Variants in DOCK7 observed in about 807,000 individuals in gnomAD.
The protein encoded by DOCK7 is dedicator of cytokinesis protein 7.
A neutral mutation model predicts 271.0 loss-of-function variants in DOCK7; 138 were observed. The ratio of observed to expected loss-of-function variants is 0.51; its 90% CI spans 0.44 to 0.59. DOCK7 has a LOEUF of 0.59. Among genes scored for constraint, DOCK7 ranks in the 20% least tolerant of loss-of-function variants. The probability of loss-of-function intolerance (pLI) is 0.00; values close to 1 mark genes in which losing one functional copy is unlikely to be tolerated. For synonymous variants in DOCK7, 823 were observed against 876.1 expected, an observed-to-expected ratio of 0.94 and a Z score of 1.07; for missense variants, 2,066 against 2,592.4, an observed-to-expected ratio of 0.80 and a Z score of 4.41.
At chr1:62,576,717 AT>A (rs1308762196) in intron 18 of DOCK7, among the ~76,000 whole-genome samples, 2 of 152,158 alleles carry the variant, frequency 1.3e-5, no homozygotes, top group Non-Finnish European at 2.9e-5. Context: ...GTGGCTATTG[AT>A]TCTTGATTGA....
intron 11 of DOCK7, among the ~76,000 whole-genome samples, chr1:62,626,709 A>G (rs1003441067): frequency 2.6e-5 from 4 of 152,164 alleles, no homozygotes; most frequent in African/African-American, 9.6e-5. Flanking sequence ...TCAAGATGAA[A>G]GAAAATGTGA....
chr1:62,627,312 A>G (rs1434693460), intron 11 of DOCK7, among the ~76,000 whole-genome samples: 1 of 152,210 alleles, frequency 6.6e-6, no homozygotes, highest in Non-Finnish European at 1.5e-5. Context: ...CATTTTCCCT[A>G]AAGTCAAGAA....
At chr1:62,488,392 A>C (rs938528455) in intron 42 of DOCK7, 1 of 154,316 alleles carries the variant, frequency 6.5e-6, no homozygotes, top group Non-Finnish European at 1.4e-5. Flanking sequence ...ATACTATTAG[A>C]ATTAAATATA....
intron 19 of DOCK7, among the ~76,000 whole-genome samples, chr1:62,560,740 T>C (rs1646296313): frequency 6.6e-6 from 1 of 152,188 alleles, no homozygotes; most frequent in Admixed American, 6.6e-5. Context: ...CTCTGAGTAG[T>C]AAATGGCTAC....
chr1:62,684,249 A>G (rs1259510625), intron 1 of DOCK7, among the ~76,000 whole-genome samples: 1 of 151,988 alleles, frequency 6.6e-6, no homozygotes, highest in Non-Finnish European at 1.5e-5. Flanking sequence ...GAGAACTAGG[A>G]TTTGAGTCCC....
intron 14 of DOCK7, chr1:62,605,747 T>C (rs1650897448): frequency 6.6e-6 from 1 of 152,388 alleles, no homozygotes; most frequent in Non-Finnish European, 1.5e-5. Flanking sequence ...AGCATGTATA[T>C]ATGTTTAAAA....
chr1:62,579,980 C>T (rs1008374697), intron 16 of DOCK7, among the ~76,000 whole-genome samples: 3 of 152,094 alleles, frequency 2.0e-5, no homozygotes, highest in Non-Finnish European at 4.4e-5. Flanking sequence ...CCCAAGAGGG[C>T]ACTTTTATAG....
At chr1:62,649,326 T>C (rs1376506863) in intron 4 of DOCK7, among the ~76,000 whole-genome samples, 2 of 152,158 alleles carry the variant, frequency 1.3e-5, no homozygotes, top group African/African-American at 4.8e-5. Context: ...CAGTAAAGAA[T>C]CACATTTGAT....
chr1:62,558,605 A>G (rs1646223109), intron 20 of DOCK7, among the ~76,000 whole-genome samples: 1 of 152,180 alleles, frequency 6.6e-6, no homozygotes, highest in Non-Finnish European at 1.5e-5. Context: ...AATGTAGAGT[A>G]GGTAGATTAT....
intron 1 of DOCK7, among the ~76,000 whole-genome samples, chr1:62,668,979 G>A (rs1367137789): frequency 6.7e-6 from 1 of 149,880 alleles, no homozygotes; most frequent in Non-Finnish European, 1.5e-5. Flanking sequence ...GTGGGGAAAC[G>A]AACAAATCAA....
At chr1:62,679,404 G>A (rs1660867728) in intron 1 of DOCK7, among the ~76,000 whole-genome samples, 2 of 152,050 alleles carry the variant, frequency 1.3e-5, no homozygotes, top group Admixed American at 6.5e-5. Context: ...CTAATACACA[G>A]ACTGTATGTA....
chr1:62,456,872 GTA>G (rs1025797935), intron 49 of DOCK7, among the ~76,000 whole-genome samples: 11 of 152,142 alleles, frequency 7.2e-5, no homozygotes, highest in African/African-American at 2.4e-4. Context: ...GAGGGGACTA[GTA>G]TGTTTCCCAT....
At chr1:62,514,014 A>G in intron 31 of DOCK7, 116 bp from the exon 32 acceptor site, 1 of 876,426 alleles carries the variant, frequency 1.1e-6, no homozygotes, top group Non-Finnish European at 1.7e-6. Context: ...AAAATAATAT[A>G]ATTAAAAACC....
intron 12 of DOCK7, 148 bp downstream of exon 12, chr1:62,625,111 T>C (rs1653775100): frequency 3.5e-6 from 2 of 572,464 alleles, no homozygotes; most frequent in Admixed American, 3.3e-5. Flanking sequence ...CTCATTCTTA[T>C]AGTTGCTTTT....
At chr1:62,688,047 G>T (rs972923729) in intron 1 of DOCK7, among the ~76,000 whole-genome samples, 180 bp downstream of exon 1, 1 of 151,392 alleles carries the variant, frequency 6.6e-6, no homozygotes, top group South Asian at 2.1e-4. Flanking sequence ...GTTCGAGGGC[G>T]GCGCGAGGCC....
intron 14 of DOCK7, among the ~76,000 whole-genome samples, chr1:62,615,609 T>TA (rs1248492694): frequency 6.6e-6 from 1 of 151,808 alleles, no homozygotes; most frequent in African/African-American, 2.4e-5. Flanking sequence ...CAATAAAAGT[T>TA]AAATAGGAGT....
Position 62,455,306 on chromosome 1 carries a change from G to T in DOCK7, c.*108C>A. The stretch of plus-strand genomic sequence containing the variant: ...TTTCTTGGCCACTGCATTCTTCAAT[G>T]AATAATAATTTCCAGAATTCCATTC... On this transcript the variant is annotated 3_prime_UTR_variant, in exon 50 of 50. Coordinates refer to ENST00000635253, the MANE Select transcript of DOCK7 (RefSeq NM_001367561.1). The T allele has an allele frequency of 8.2e-7, 1 of 1,214,088 alleles. No individual in the cohort carries two copies. Among genetic ancestry groups the T allele is most frequent in the East Asian group, 2.5e-5 (1 of 40,758 alleles). 75.2% of individuals were successfully genotyped at this position (1,214,088 alleles called of 1,614,324 possible).
chr1:62,475,722 G>A lies in DOCK7; in HGVS notation c.5946C>T (p.Val1982=). ...ATGGACTTACCTCTTCTTTATGAGT[G>A]ACATTGACCCTTGTTTTAATATAAG... is the stretch of plus-strand genomic sequence containing the variant. ...AFPYIKTRVN[V]THKEEIILTP... is the part of the protein sequence containing the mutation. The change falls in exon 46 of 50, where the codon GTC becomes GTT. Residue 1982 remains valine, a synonymous_variant. Coordinates refer to ENST00000635253, the MANE Select transcript of DOCK7 (RefSeq NM_001367561.1). 2 of 1,613,750 alleles carry A rather than the reference G, an allele frequency of 1.2e-6. No homozygotes were observed. The highest frequency in any genetic ancestry group is 1.7e-6 in the Non-Finnish European group (2 of 1,179,828).
At chr1:62,584,687 T>C (rs765623911) in intron 15 of DOCK7, 1 of 1,311,922 alleles carries the variant, frequency 7.6e-7, no homozygotes, top group South Asian at 1.7e-5. Flanking sequence ...TCCAAAAATG[T>C]GACAGGAGTC....
Sources: allele counts gnomAD v4.1 joint callset (sites outside exome capture counted in the v4.1 genomes callset), GRCh38; gene constraint gnomAD v4.1.1; transcripts MANE v1.5; gene names NCBI Gene and HGNC (gene_info 2026-07-23, HGNC 2026-07-21).